Variants in MNAT1 observed in about 807,000 individuals in gnomAD.
The protein encoded by MNAT1 is MNAT1 component of CDK activating kinase.
MNAT1 carries 43 observed loss-of-function variants against 42.0 expected under a neutral mutation model. That is an observed-to-expected ratio of 1.02 (90% CI 0.80 to 1.32). The LOEUF (loss-of-function observed/expected upper bound fraction) is 1.32. Ranked by LOEUF, MNAT1 falls within the 40% of genes most tolerant of loss-of-function variation. The probability of loss-of-function intolerance (pLI) is 0.00; values close to 1 mark genes in which losing one functional copy is unlikely to be tolerated. For synonymous variants in MNAT1, 118 were observed against 120.0 expected, an observed-to-expected ratio of 0.98 and a Z score of 0.11; for missense variants, 306 against 350.4, an observed-to-expected ratio of 0.87 and a Z score of 1.01.
intron 6 of MNAT1, among the ~76,000 whole-genome samples, chr14:60,833,063 T>G (rs2033272044): frequency 6.6e-6 from 1 of 152,184 alleles, no homozygotes. Flanking sequence ...CTTATCAGCT[T>G]AAGGAGTTTT....
chr14:60,788,934 A>G (rs954619132), intron 1 of MNAT1, among the ~76,000 whole-genome samples: 1 of 152,154 alleles, frequency 6.6e-6, no homozygotes, highest in African/African-American at 2.4e-5. Flanking sequence ...ATTGTGTGTC[A>G]TTGGCGCAGT....
chr14:60,953,192 A>G (rs1181966484), intron 7 of MNAT1, among the ~76,000 whole-genome samples: 1 of 152,206 alleles, frequency 6.6e-6, no homozygotes, highest in East Asian at 1.9e-4. Flanking sequence ...TTTGTGAAAT[A>G]TAGATCTGTA....
intron 7 of MNAT1, among the ~76,000 whole-genome samples, chr14:60,943,924 T>C (rs1406316802): frequency 6.6e-6 from 1 of 152,226 alleles, no homozygotes; most frequent in Non-Finnish European, 1.5e-5. Context: ...GTAGCTGCAT[T>C]ATCATAGAAT....
intron 7 of MNAT1, among the ~76,000 whole-genome samples, chr14:60,899,935 T>A (rs1183272356): frequency 3.1e-5 from 2 of 65,194 alleles, no homozygotes; most frequent in South Asian, 5.5e-4. Flanking sequence ...TGATTAGTGA[T>A]CTTTTGCTGT....
At chr14:60,816,996 T>C (rs79558910) in intron 5 of MNAT1, among the ~76,000 whole-genome samples, 1,985 of 152,106 alleles carry the variant, frequency 0.013, 43 homozygotes, top group African/African-American at 0.046. Context: ...TAGCAACTTT[T>C]TTTTTGAAGT....
chr14:60,842,691 T>TATATGCA (rs2033583167), intron 6 of MNAT1, among the ~76,000 whole-genome samples: 1 of 152,232 alleles, frequency 6.6e-6, no homozygotes, highest in Non-Finnish European at 1.5e-5. Flanking sequence ...TATTGCTATG[T>TATATGCA]AATATTCCAT....
chr14:60,769,032 C>A (rs1428241102), intron 1 of MNAT1, among the ~76,000 whole-genome samples: 1 of 152,070 alleles, frequency 6.6e-6, no homozygotes, highest in African/African-American at 2.4e-5. Flanking sequence ...GAAAACAAAT[C>A]AAATGCTTGT....
At chr14:60,736,801 A>G (rs1896321777) in intron 1 of MNAT1, among the ~76,000 whole-genome samples, 1 of 152,198 alleles carries the variant, frequency 6.6e-6, no homozygotes, top group South Asian at 2.1e-4. Context: ...TTAAGTATTA[A>G]ATAATATATG....
chr14:60,787,447 G>C (rs1384395344), intron 1 of MNAT1, among the ~76,000 whole-genome samples: 1 of 152,180 alleles, frequency 6.6e-6, no homozygotes, highest in African/African-American at 2.4e-5. Context: ...CCCAGATGTT[G>C]ATGGCTCCTG....
At chr14:60,906,721 A>G (rs1241915056) in intron 7 of MNAT1, among the ~76,000 whole-genome samples, 1 of 152,220 alleles carries the variant, frequency 6.6e-6, no homozygotes, top group Non-Finnish European at 1.5e-5. Flanking sequence ...AAAACTGAAT[A>G]AAAGTCTTTT....
intron 1 of MNAT1, among the ~76,000 whole-genome samples, chr14:60,747,151 A>AT (rs1280748491): frequency 6.6e-6 from 1 of 150,652 alleles, no homozygotes; most frequent in South Asian, 2.1e-4. Flanking sequence ...CGCCCGGCTA[A>AT]TTTTTTGTAT....
At chr14:60,781,205 TA>T (rs2031447986) in intron 1 of MNAT1, among the ~76,000 whole-genome samples, 2 of 152,186 alleles carry the variant, frequency 1.3e-5, no homozygotes, top group African/African-American at 4.8e-5. Flanking sequence ...ACAGAACTCT[TA>T]AAAATTTTTT....
chr14:60,857,240 A>G (rs1226686723), intron 6 of MNAT1, among the ~76,000 whole-genome samples: 1 of 152,238 alleles, frequency 6.6e-6, no homozygotes, highest in Non-Finnish European at 1.5e-5. Flanking sequence ...CAAAATGTCA[A>G]CATTACTAGT....
intron 1 of MNAT1, among the ~76,000 whole-genome samples, chr14:60,779,077 A>C (rs2031352786): frequency 6.6e-6 from 1 of 152,188 alleles, no homozygotes; most frequent in Non-Finnish European, 1.5e-5. Context: ...CTGTCTGGTC[A>C]CTTTGGGCTC....
intron 7 of MNAT1, among the ~76,000 whole-genome samples, chr14:60,937,329 A>G (rs2036019724): frequency 6.6e-6 from 1 of 152,202 alleles, no homozygotes; most frequent in Non-Finnish European, 1.5e-5. Context: ...GGTATTGCCT[A>G]GATTTTCTTC....
chr14:60,797,656 G>A (rs1034171010), intron 2 of MNAT1, among the ~76,000 whole-genome samples: 4 of 152,078 alleles, frequency 2.6e-5, no homozygotes, highest in East Asian at 1.9e-4. Context: ...GGCTGGGCGC[G>A]GTGGCTCATG....
chr14:60,831,706 C>T (rs1208837081), intron 6 of MNAT1, among the ~76,000 whole-genome samples: 2 of 152,092 alleles, frequency 1.3e-5, no homozygotes, highest in Non-Finnish European at 2.9e-5. Flanking sequence ...AATGGGATTG[C>T]TGGGTCAAAT....
chr14:60,891,700 A>C (rs2034848706), intron 7 of MNAT1, among the ~76,000 whole-genome samples: 1 of 151,996 alleles, frequency 6.6e-6, no homozygotes, highest in African/African-American at 2.4e-5. Context: ...TGATCTGCCC[A>C]CCTTGGCCTC....
intron 4 of MNAT1, among the ~76,000 whole-genome samples, chr14:60,810,330 AT>A (rs2032503896): frequency 1.3e-5 from 2 of 151,292 alleles, no homozygotes; most frequent in Non-Finnish European, 3.0e-5. Context: ...TTTCTATTTC[AT>A]TTATTTTTGC....
Sources: gnomAD v4.1 joint callset for allele counts (sites outside exome capture counted in the v4.1 genomes callset) on GRCh38, gnomAD v4.1.1 for gene constraint, MANE v1.5 for transcripts, NCBI Gene and HGNC (gene_info 2026-07-23, HGNC 2026-07-21) for gene names.